Variants in KLHDC4 observed in about 807,000 individuals in gnomAD.
The protein encoded by KLHDC4 is kelch domain-containing protein 4.
KLHDC4 carries 90 observed loss-of-function variants against 62.4 expected under a neutral mutation model. The observed-to-expected ratio is 1.44, with a 90% CI of 1.22 to 1.72. The LOEUF (loss-of-function observed/expected upper bound fraction) is 1.72. KLHDC4 is among the 40% of genes most tolerant of loss of function. KLHDC4 has a pLI of 0.00. For missense variants in KLHDC4, 1,025 were observed against 699.7 expected (o/e 1.47, Z -5.25); for synonymous variants, 386 against 284.4 (o/e 1.36, Z -3.59).
At chr16:87,730,455 G>T (rs1444323828) in intron 6 of KLHDC4, 97 bp downstream of exon 6, 3 of 1,006,042 alleles carry the variant, frequency 3.0e-6, no homozygotes, top group East Asian at 5.0e-5. Flanking sequence ...TTGGGAGGAT[G>T]GGTGCGTCTT....
At chr16:87,748,199 C>A (rs761811992) in intron 5 of KLHDC4, among the ~76,000 whole-genome samples, 183 of 152,330 alleles carry the variant, frequency 1.2e-3, no homozygotes, top group Non-Finnish European at 1.0e-3. Flanking sequence ...AGGTGGAAAT[C>A]AAGAGGCTGA....
chr16:87,733,364 C>A (rs933710116), intron 5 of KLHDC4, among the ~76,000 whole-genome samples: 1 of 152,206 alleles, frequency 6.6e-6, no homozygotes, highest in African/African-American at 2.4e-5. Flanking sequence ...TCAGAAAGCT[C>A]GCAGAGGTGC....
At chr16:87,731,407 A>G (rs751103885) in intron 5 of KLHDC4, among the ~76,000 whole-genome samples, 13 of 152,048 alleles carry the variant, frequency 8.5e-5, no homozygotes, top group East Asian at 1.9e-4. Context: ...AAATGACCCA[A>G]TAAAAATATA....
At chr16:87,725,702 G>C (rs1184746214) in intron 7 of KLHDC4, among the ~76,000 whole-genome samples, 1 of 152,206 alleles carries the variant, frequency 6.6e-6, no homozygotes, top group Non-Finnish European at 1.5e-5. Context: ...GCCTGTGCCA[G>C]CCGCCTCTGT....
chr16:87,709,168 G>A (rs2035268277), intron 10 of KLHDC4, 97 bp downstream of exon 10: 20 of 1,449,060 alleles, frequency 1.4e-5, no homozygotes, highest in South Asian at 2.6e-5. Flanking sequence ...GGCACAGGCC[G>A]CCTCTGGGCA....
chr16:87,754,515 G>A (rs1358353759), intron 4 of KLHDC4, among the ~76,000 whole-genome samples: 3 of 152,228 alleles, frequency 2.0e-5, no homozygotes, highest in Non-Finnish European at 4.4e-5. Context: ...CAGCAAAGGG[G>A]GAAGGAAATA....
chr16:87,743,794 G>A (rs2042608899), intron 5 of KLHDC4, among the ~76,000 whole-genome samples: 1 of 152,052 alleles, frequency 6.6e-6, no homozygotes, highest in Admixed American at 6.6e-5. Context: ...ACTTCCCAGG[G>A]TGTTTAGAGG....
chr16:87,762,898 C>T (rs773315821), intron 1 of KLHDC4, among the ~76,000 whole-genome samples: 7 of 152,112 alleles, frequency 4.6e-5, no homozygotes, highest in African/African-American at 1.7e-4. Context: ...TTCCCTCCCC[C>T]ACACCCACCT....
chr16:87,738,119 G>T (rs1035285330), intron 5 of KLHDC4, among the ~76,000 whole-genome samples: 1 of 152,150 alleles, frequency 6.6e-6, no homozygotes, highest in African/African-American at 2.4e-5. Flanking sequence ...GCAGAGCAGG[G>T]TGTGTCCATT....
Position 87,711,448 on chromosome 16 carries a change from C to G in KLHDC4, c.836-5G>C. ...TCCGAGTCCAAACCCACTTGTCTGT[C>G]AAAAGAGAACAAGGAAGTGGGATAA... On this transcript the variant is annotated splice_region_variant and splice_polypyrimidine_tract_variant and intron_variant, in intron 8 of 11. Transcript: ENST00000270583. 1 of 1,603,870 alleles carries G rather than the reference C, an allele frequency of 6.2e-7. No individual in the cohort carries two copies. The highest frequency in any genetic ancestry group is 1.1e-5 in the South Asian group (1 of 90,640).
intron 7 of KLHDC4, among the ~76,000 whole-genome samples, chr16:87,719,579 A>T (rs1007491379): frequency 6.6e-6 from 1 of 151,932 alleles, no homozygotes; most frequent in Non-Finnish European, 1.5e-5. Flanking sequence ...CTTTGTTCAC[A>T]TGTTTATCTG....
downstream of KLHDC4, chr16:87,703,484 C>A (rs1268573557): frequency 6.6e-6 from 1 of 152,384 alleles, no homozygotes; most frequent in Non-Finnish European, 1.5e-5. Context: ...GCTCTGCCCT[C>A]CGGGAGTGCA....
At chr16:87,749,754 A>AT (rs2043625233) in intron 4 of KLHDC4, among the ~76,000 whole-genome samples, 1 of 151,754 alleles carries the variant, frequency 6.6e-6, no homozygotes. Context: ...CAGCTGTTTA[A>AT]TTTTTTGCAG....
chr16:87,711,607 T>C (rs1418483072), intron 8 of KLHDC4, among the ~76,000 whole-genome samples, 164 bp from the exon 9 acceptor site: 1 of 152,092 alleles, frequency 6.6e-6, no homozygotes, highest in Non-Finnish European at 1.5e-5. Context: ...CAGACACCAT[T>C]CAACTCCCCT....
chr16:87,713,965 C>T (rs2036409177), intron 8 of KLHDC4, among the ~76,000 whole-genome samples: 1 of 152,050 alleles, frequency 6.6e-6, no homozygotes, highest in Admixed American at 6.5e-5. Flanking sequence ...GGAGGCCGTC[C>T]CTGTGAGGGC....
intron 8 of KLHDC4, 83 bp from the exon 9 acceptor site, chr16:87,711,526 G>A (rs2035831627): frequency 3.3e-6 from 4 of 1,214,844 alleles, no homozygotes; most frequent in Admixed American, 2.6e-5. Context: ...AGGACCCCAG[G>A]TGCCCCCCAG....
chr16:87,710,284 A>G (rs1276382328), intron 9 of KLHDC4: 1 of 152,356 alleles, frequency 6.6e-6, no homozygotes, highest in East Asian at 1.9e-4. Flanking sequence ...CTTCTGTCAC[A>G]GCCTTTGTCA....
chr16:87,756,702 C>G (rs1339719641), intron 2 of KLHDC4, among the ~76,000 whole-genome samples: 7 of 128,830 alleles, frequency 5.4e-5, no homozygotes, highest in African/African-American at 2.1e-4. Context: ...TGGACTGACA[C>G]AGTGTCTGGT....
At chr16:87,748,652 G>A (rs16943239) in intron 5 of KLHDC4, 21 bp downstream of exon 5, 305,399 of 1,612,676 alleles carry the variant, frequency 0.19, 30,629 homozygotes, top group South Asian at 0.31. Context: ...CCGGAGCTCA[G>A]CTTCTCATCT....
Sources: allele counts gnomAD v4.1 joint callset (sites outside exome capture counted in the v4.1 genomes callset), GRCh38; gene constraint gnomAD v4.1.1; transcripts MANE v1.5; gene names NCBI Gene and HGNC (gene_info 2026-07-23, HGNC 2026-07-21).